ADGRL3: variants seen among roughly 807,000 people sequenced by gnomAD.
ADGRL3 encodes the protein calcium-independent alpha-latrotoxin receptor 3.
A neutral mutation model predicts 153.5 loss-of-function variants in ADGRL3; 62 were observed. The observed-to-expected ratio is 0.40, with a 90% confidence interval of 0.33 to 0.50. The LOEUF (loss-of-function observed/expected upper bound fraction) is 0.50, where lower values mean the gene tolerates loss of function less well. Among genes scored for constraint, ADGRL3 ranks in the 20% least tolerant of loss-of-function variants. The probability of loss-of-function intolerance (pLI) is 0.47; values close to 1 mark genes in which losing one functional copy is unlikely to be tolerated. For missense variants in ADGRL3, 1,641 were observed against 1,859.4 expected (o/e 0.88, Z 2.16); for synonymous variants, 710 against 672.5 (o/e 1.06, Z -0.86).
chr4:61,812,356 A>G (rs1580948957), intron 8 of ADGRL3, among the ~76,000 whole-genome samples: 1 of 152,212 alleles, frequency 6.6e-6, no homozygotes, highest in South Asian at 2.1e-4. Context: ...TACTATCAAC[A>G]GGGAGCCATA....
chr4:61,441,657 C>G (rs1560638373), intron 2 of ADGRL3, among the ~76,000 whole-genome samples: 1 of 151,982 alleles, frequency 6.6e-6, no homozygotes, highest in Non-Finnish European at 1.5e-5. Context: ...GTAGCTGGGA[C>G]TACAGGTGCA....
intron 1 of ADGRL3, among the ~76,000 whole-genome samples, chr4:61,341,431 C>T (rs183537664): frequency 4.0e-5 from 6 of 151,614 alleles, no homozygotes; most frequent in Non-Finnish European, 4.4e-5. Flanking sequence ...CTTCACTGCC[C>T]ACAGCAAATG....
At chr4:61,933,320 T>C (rs1421205994) in intron 13 of ADGRL3, among the ~76,000 whole-genome samples, 1 of 152,186 alleles carries the variant, frequency 6.6e-6, no homozygotes, top group Non-Finnish European at 1.5e-5. Context: ...ACCTCTTTTT[T>C]TGGCATATCC....
At chr4:61,891,133 C>T (rs2098580679) in intron 9 of ADGRL3, among the ~76,000 whole-genome samples, 1 of 152,082 alleles carries the variant, frequency 6.6e-6, no homozygotes, top group African/African-American at 2.4e-5. Flanking sequence ...ACTATATTGC[C>T]ATTTTGCTCT....
In ADGRL3 at chr4:62,077,046, TTTAA is replaced by T. The variant is rs896111404; in HGVS notation, c.*6142_*6145del. 5.3e-5 allele frequency: 8 copies of T among 151,950 alleles called. No individual in the cohort carries two copies. Among genetic ancestry groups the T allele is most frequent in the South Asian group, 2.1e-4 (1 of 4,830 alleles). The allele number at this position is 151,950 out of a possible 1,614,324, so 9.4% of individuals were successfully genotyped here. A position where few individuals can be genotyped will look rare whatever the true frequency, so the allele number is the denominator to read the frequency against. ...AAATATTACTCTCAAGTTCTCTGCC[TTTAA>T]TTATTATAGTCAATTCATAAAATTC... On this transcript the variant is annotated 3_prime_UTR_variant, in exon 27 of 27. Transcript: ENST00000683033.
intron 21 of ADGRL3, among the ~76,000 whole-genome samples, chr4:62,026,578 C>T (rs551444703): frequency 6.6e-6 from 1 of 152,012 alleles, no homozygotes; most frequent in East Asian, 1.9e-4. Context: ...GTCACCTCAC[C>T]ATTGCAAACT....
chr4:61,705,616 GC>G (rs1220527081), intron 6 of ADGRL3, among the ~76,000 whole-genome samples: 1 of 151,912 alleles, frequency 6.6e-6, no homozygotes, highest in Non-Finnish European at 1.5e-5. Flanking sequence ...TCATGCCTCA[GC>G]CTCCCAAGTA....
Position 62,044,481 on chromosome 4 carries a change from C to T in ADGRL3, c.3746C>T (p.Thr1249Met), listed in dbSNP as rs776366635. ...CGAATCCGTAGAATGTGGAATGACA[C>T]GGTTCGAAAGCAGTCAGAGTCTTCC... ...QSRIRRMWND[T>M]VRKQSESSFI... Residue 1249 changes from threonine (T) to methionine (M), a missense_variant, in exon 25 of 27, where the codon ACG becomes ATG. This residue lies in a region of ADGRL3 where 517 missense variants were observed against 555.0 expected (regional missense o/e 0.93). Transcript: ENST00000683033. 9 of 1,596,008 alleles carry T rather than the reference C, an allele frequency of 5.6e-6. No individual in the cohort carries two copies. Among genetic ancestry groups the T allele is most frequent in the South Asian group, 1.1e-5 (1 of 87,574 alleles).
chr4:61,377,552 C>T (rs1188233489), intron 1 of ADGRL3, among the ~76,000 whole-genome samples: 1 of 151,776 alleles, frequency 6.6e-6, no homozygotes, highest in Non-Finnish European at 1.5e-5. Context: ...ATCTATTTGT[C>T]ATGTTAAAAA....
At chr4:61,529,459 G>A (rs149845317) in intron 4 of ADGRL3, among the ~76,000 whole-genome samples, 5 of 152,096 alleles carry the variant, frequency 3.3e-5, no homozygotes, top group Non-Finnish European at 5.9e-5. Flanking sequence ...ATCCTTAATA[G>A]TGTCTTCTTT....
At chr4:61,367,101 A>G (rs942525597) in intron 1 of ADGRL3, among the ~76,000 whole-genome samples, 1 of 152,246 alleles carries the variant, frequency 6.6e-6, no homozygotes, top group African/African-American at 2.4e-5. Context: ...TAAAAGTTAA[A>G]GTAGCACATT....
intron 8 of ADGRL3, among the ~76,000 whole-genome samples, chr4:61,739,856 T>G (rs1258836886): frequency 6.6e-6 from 1 of 152,174 alleles, no homozygotes; most frequent in Non-Finnish European, 1.5e-5. Flanking sequence ...GAAATTAAAG[T>G]CAGTAATTTT....
intron 2 of ADGRL3, among the ~76,000 whole-genome samples, chr4:61,487,986 A>G (rs1484865110): frequency 1.3e-5 from 2 of 152,060 alleles, no homozygotes; most frequent in African/African-American, 4.8e-5. Context: ...ATCAAAGCCT[A>G]TTGGTAATGT....
At chr4:61,606,483 A>C (rs529090872) in intron 5 of ADGRL3, among the ~76,000 whole-genome samples, 1 of 152,204 alleles carries the variant, frequency 6.6e-6, no homozygotes, top group South Asian at 2.1e-4. Context: ...GTAGACAGAC[A>C]GGTCCTCACT....
chr4:62,019,362 T>C (rs1422543137), intron 21 of ADGRL3, among the ~76,000 whole-genome samples: 3 of 152,086 alleles, frequency 2.0e-5, no homozygotes, highest in African/African-American at 7.2e-5. Context: ...TAGTTATTGG[T>C]ATCTAATTTA....
intron 2 of ADGRL3, among the ~76,000 whole-genome samples, chr4:61,482,776 G>A (rs2152742612): frequency 6.6e-6 from 1 of 152,180 alleles, no homozygotes; most frequent in African/African-American, 2.4e-5. Context: ...TTTAAAAGTA[G>A]TCTTTGTCAA....
rs116850457 is a variant in ADGRL3, at chr4:61,225,184, G to A, written c.-240+23419G>A. ...TTTGTACTCTGGTACTTTCAGCTTAGCTGCCTGACAGAGCAGAAGGGCAAT... is the reference window on the plus strand; with the variant it reads ...TTTGTACTCTGGTACTTTCAGCTTAACTGCCTGACAGAGCAGAAGGGCAAT... On this transcript the variant is annotated intron_variant, in intron 1 of 26. Transcript: ENST00000683033. 2.6e-5 allele frequency among the ~76,000 whole-genome samples: 4 copies of A among 152,270 alleles called. No individual in the cohort carries two copies. In the East Asian group the frequency reaches 7.7e-4, roughly 29 times the overall value.
intron 5 of ADGRL3, among the ~76,000 whole-genome samples, chr4:61,615,844 G>A (rs1395256016): frequency 5.9e-5 from 9 of 151,924 alleles, no homozygotes; most frequent in Admixed American, 5.9e-4. Flanking sequence ...GAATTTATTA[G>A]TCTGATTTAC....
At chr4:61,708,676 A>G (rs1455717913) in intron 6 of ADGRL3, among the ~76,000 whole-genome samples, 1 of 152,154 alleles carries the variant, frequency 6.6e-6, no homozygotes, top group African/African-American at 2.4e-5. Context: ...GAATACAAAA[A>G]CAATAAAAAA....
Sources: gnomAD v4.1 joint callset for allele counts (sites outside exome capture counted in the v4.1 genomes callset) on GRCh38, gnomAD v4.1.1 for gene constraint, gnomAD v4.1.1 regional missense constraint, MANE v1.5 for transcripts, NCBI Gene and HGNC (gene_info 2026-07-23, HGNC 2026-07-21) for gene names.